Variants in DGKD observed in about 807,000 individuals in gnomAD.
The protein encoded by DGKD is DAG kinase delta.
DGKD carries 68 observed loss-of-function variants against 154.4 expected under a neutral mutation model. That is an observed-to-expected ratio of 0.44 (90% CI 0.36 to 0.54). DGKD has a LOEUF of 0.54. Ranked by LOEUF, DGKD falls within the 20% of genes least tolerant of loss-of-function variation. The pLI, the probability that DGKD is intolerant of heterozygous loss-of-function variation, is 0.00. For missense variants in DGKD, 1,343 were observed against 1,593.6 expected, an observed-to-expected ratio of 0.84 and a Z score of 2.68; for synonymous variants, 693 against 638.0, an observed-to-expected ratio of 1.09 and a Z score of -1.30.
intron 24 of DGKD, 30 bp downstream of exon 24, chr2:233,460,375 G>C (rs752090861): frequency 1.2e-6 from 2 of 1,611,642 alleles, no homozygotes; most frequent in Non-Finnish European, 1.7e-6. Context: ...CGTTGCGCAT[G>C]AGCCTCCCCC....
intron 1 of DGKD, among the ~76,000 whole-genome samples, chr2:233,378,455 G>A (rs748225972): frequency 2.0e-5 from 3 of 150,288 alleles, no homozygotes; most frequent in Admixed American, 6.6e-5. Context: ...TCACTGTGTT[G>A]CCTAGGCTGG....
chr2:233,365,917 G>T (rs1337967154), intron 1 of DGKD, among the ~76,000 whole-genome samples: 1 of 152,096 alleles, frequency 6.6e-6, no homozygotes, highest in East Asian at 1.9e-4. Context: ...TATTAGAAAA[G>T]AAGACATGCT....
chr2:233,415,142 A>T (rs1365563279), intron 3 of DGKD, among the ~76,000 whole-genome samples: 4 of 152,206 alleles, frequency 2.6e-5, no homozygotes, highest in Admixed American at 6.5e-5. Flanking sequence ...ACTTGAGAGC[A>T]CCCTCACACA....
In DGKD at chr2:233,469,590, ATGG is replaced by A. The variant is rs928516156; in HGVS notation, c.*133_*135del. ...AGATGCTGCAGCCCGCCCCCTTCTC[ATGG>A]TGCTACTTCCTCTGTCAGCTACAGA... On this transcript the variant is annotated 3_prime_UTR_variant, in exon 30 of 30. Transcript: ENST00000264057. The A allele has an allele frequency of 1.2e-5, 9 of 732,180 alleles. No individual in the cohort carries two copies. Among genetic ancestry groups the A allele is most frequent in the Non-Finnish European group, 2.1e-5 (9 of 438,252 alleles). 45.4% of individuals were successfully genotyped at this position (732,180 alleles called of 1,614,324 possible). A position where few individuals can be genotyped will look rare whatever the true frequency, so the allele number is the denominator to read the frequency against.
intron 3 of DGKD, among the ~76,000 whole-genome samples, chr2:233,409,574 C>T (rs963382618): frequency 4.0e-5 from 6 of 151,700 alleles, no homozygotes; most frequent in Admixed American, 3.9e-4. Flanking sequence ...AAAAAAAAAT[C>T]CCACGTTCCC....
At chr2:233,398,986 G>A (rs1215259146) in intron 3 of DGKD, among the ~76,000 whole-genome samples, 1 of 152,126 alleles carries the variant, frequency 6.6e-6, no homozygotes, top group African/African-American at 2.4e-5. Context: ...GTCCATTCGA[G>A]TTTTATGCTT....
chr2:233,410,027 A>T (rs528558898), intron 3 of DGKD, among the ~76,000 whole-genome samples: 1 of 152,054 alleles, frequency 6.6e-6, no homozygotes, highest in East Asian at 1.9e-4. Flanking sequence ...ATATGATCTC[A>T]CCATGTTGTC....
At position 233,457,640 on chromosome 2, in the gene DGKD, C is replaced by G. The variant is rs1165233489; in HGVS notation, c.2580+312C>G. On this transcript the variant is annotated intron_variant, in intron 21 of 29. Coordinates refer to ENST00000264057, the MANE Select transcript of DGKD (RefSeq NM_152879.3). This position sits in a 1 kb window ranked among gnomAD's most constrained non-coding sequence, Gnocchi z 5.5. ...GACCTGAAGGATGAGTTGGAGTTGGCTAAGTTAGGTGGGCAGAGGAGAGGG... is the reference window on the plus strand; with the variant it reads ...GACCTGAAGGATGAGTTGGAGTTGGGTAAGTTAGGTGGGCAGAGGAGAGGG... 3 of 508,718 alleles carry G rather than the reference C, an allele frequency of 5.9e-6. No homozygotes were observed. Among genetic ancestry groups the G allele is most frequent in the African/African-American group, 5.7e-5 (3 of 52,230 alleles). The allele number at this position is 508,718 out of a possible 1,614,324, so 31.5% of individuals were successfully genotyped here.
Position 233,388,273 on chromosome 2 carries a change from G to C in DGKD, c.173G>C (p.Gly58Ala), listed in dbSNP as rs773289061. ...QIRQKTIIKE[G>A]MLTKQNNSFQ... is the part of the protein sequence containing the mutation. ...TACTTTCAGACCATCATCAAAGAGG[G>C]GATGCTGACCAAACAGAACAATTCA... The change falls in exon 2 of 30, where the codon GGG (glycine) becomes GCG (alanine). Residue 58 changes from glycine to alanine, a missense_variant. Transcript: ENST00000264057. 1.2e-4 allele frequency: 197 copies of C among 1,613,406 alleles called. 1 individual carries two copies. Among genetic ancestry groups the C allele is most frequent in the Non-Finnish European group, 3.4e-6 (4 of 1,179,870 alleles).
intron 1 of DGKD, among the ~76,000 whole-genome samples, chr2:233,368,190 T>A (rs953459910): frequency 1.1e-4 from 17 of 152,164 alleles, no homozygotes; most frequent in Non-Finnish European, 2.2e-4. Context: ...ATTCCACATT[T>A]ATCTGTTGGT....
rs2062800462 is a variant in DGKD, at chr2:233,438,873, A to G, written c.1085+494A>G. ...TGTAACAGCTGCCTAACATTGAGGA[A>G]GAAGCTGTCCTGCAGCGAGGCCAGG... is the stretch of plus-strand genomic sequence containing the variant. On this transcript the variant is annotated intron_variant, in intron 9 of 29. Transcript: ENST00000264057. This position sits in a 1 kb window ranked among gnomAD's most constrained non-coding sequence, Gnocchi z 4.1. Among the ~76,000 whole-genome samples, 1 of 152,100 alleles carries G rather than the reference A, an allele frequency of 6.6e-6. No homozygotes were observed. Among genetic ancestry groups the G allele is most frequent in the Non-Finnish European group, 1.5e-5 (1 of 68,028 alleles).
At chr2:233,373,304 C>T (rs1050041983) in intron 1 of DGKD, among the ~76,000 whole-genome samples, 2 of 152,180 alleles carry the variant, frequency 1.3e-5, no homozygotes, top group Non-Finnish European at 2.9e-5. Flanking sequence ...GGAAATAACA[C>T]GGAGGAAGTT....
At chr2:233,424,681 C>G (rs1358634580) in intron 3 of DGKD, among the ~76,000 whole-genome samples, 9 of 152,162 alleles carry the variant, frequency 5.9e-5, no homozygotes, top group Admixed American at 5.9e-4. Flanking sequence ...CTGGAGCCCC[C>G]CTGCCTGGTG....
intron 24 of DGKD, among the ~76,000 whole-genome samples, chr2:233,461,019 A>T (rs1234295586): frequency 1.7e-4 from 20 of 115,950 alleles, no homozygotes; most frequent in African/African-American, 7.7e-4. Context: ...AGTTTACTTT[A>T]AAAAAAAAAA....
At chr2:233,435,738 C>G (rs144944804) in intron 5 of DGKD, 80 bp from the exon 6 acceptor site, 1 of 1,329,918 alleles carries the variant, frequency 7.5e-7, no homozygotes, top group Admixed American at 2.6e-5. Flanking sequence ...TGGAGCTGGA[C>G]GGTTCTCACA....
chr2:233,457,068 C>T lies in DGKD; in HGVS notation c.2472+73C>T. 1 of 1,393,200 alleles carries T rather than the reference C, an allele frequency of 7.2e-7. No homozygotes were observed. The highest frequency in any genetic ancestry group is 1.0e-6 in the Non-Finnish European group (1 of 980,262). The allele number at this position is 1,393,200 out of a possible 1,614,324, so 86.3% of individuals were successfully genotyped here. A position where few individuals can be genotyped will look rare whatever the true frequency, so the allele number is the denominator to read the frequency against. On this transcript the variant is annotated intron_variant, in intron 20 of 29. Transcript: ENST00000264057. This position sits in a 1 kb window ranked among gnomAD's most constrained non-coding sequence, Gnocchi z 5.5. Reference sequence around the variant, plus strand: ...GCAGACTGCCAGGCCTATTGCTTCTCCTGTTGACCATTTCCTCCATGCACA... The same window carrying T: ...GCAGACTGCCAGGCCTATTGCTTCTTCTGTTGACCATTTCCTCCATGCACA...
intron 1 of DGKD, among the ~76,000 whole-genome samples, chr2:233,384,541 A>G (rs1703071970): frequency 6.6e-6 from 1 of 152,124 alleles, no homozygotes; most frequent in South Asian, 2.1e-4. Flanking sequence ...CAGAGTCAGC[A>G]CATCCAGAAT....
intron 9 of DGKD, among the ~76,000 whole-genome samples, chr2:233,439,200 A>T (rs2062809864): frequency 6.6e-6 from 1 of 152,202 alleles, no homozygotes; most frequent in African/African-American, 2.4e-5. Flanking sequence ...GATGTCCAGG[A>T]TACCCGTAGT....
At chr2:233,377,726 T>A (rs1559482427) in intron 1 of DGKD, among the ~76,000 whole-genome samples, 1 of 152,222 alleles carries the variant, frequency 6.6e-6, no homozygotes, top group Non-Finnish European at 1.5e-5. Context: ...ATGTTTGTCT[T>A]CAGGGCCATC....
Sources: gnomAD v4.1 joint callset for allele counts (sites outside exome capture counted in the v4.1 genomes callset) on GRCh38, gnomAD v4.1.1 for gene constraint, Gnocchi (gnomAD v3.1) non-coding constraint, MANE v1.5 for transcripts, NCBI Gene and HGNC (gene_info 2026-07-23, HGNC 2026-07-21) for gene names.